The following MKLN1 variants were observed in gnomAD, a reference collection of about 807,000 sequenced individuals.
The protein encoded by MKLN1 is muskelin 1, also known as muskelin.
In MKLN1, 18 loss-of-function variants were observed where a neutral mutation model predicts 99.0. The ratio of observed to expected loss-of-function variants is 0.18; its 90% confidence interval spans 0.13 to 0.27. The LOEUF (loss-of-function observed/expected upper bound fraction) is 0.27. MKLN1 is among the 10% of genes least tolerant of loss of function. The pLI is 1.00. For synonymous variants in MKLN1, 288 were observed against 293.2 expected, an observed-to-expected ratio of 0.98 and a Z score of 0.18; for missense variants, 621 against 875.9, an observed-to-expected ratio of 0.71 and a Z score of 3.67.
At chr7:131,123,873 G>A (rs1261938815) in intron 1 of MKLN1, among the ~76,000 whole-genome samples, 1 of 152,104 alleles carries the variant, frequency 6.6e-6, no homozygotes, top group Non-Finnish European at 1.5e-5. Context: ...TTCATAAGTA[G>A]GTAGGTAGGT....
At chr7:131,159,109 G>A (rs572657521) in intron 2 of MKLN1, among the ~76,000 whole-genome samples, 4 of 152,194 alleles carry the variant, frequency 2.6e-5, no homozygotes, top group East Asian at 3.9e-4. Context: ...TGAGAGGATC[G>A]CCTGAGCCCG....
In MKLN1 at chr7:131,134,790, C is replaced by T. The variant is rs6969479; in HGVS notation, c.-418-8030C>T. Reference sequence around the variant, plus strand: ...GTAGTCTTCTAATTGGCTTTGCTGGCTCAGTCTTCATCCTGCCACTAAAGT... The same window carrying T: ...GTAGTCTTCTAATTGGCTTTGCTGGTTCAGTCTTCATCCTGCCACTAAAGT... On this transcript the variant is annotated intron_variant, in intron 1 of 7. Coordinates refer to the MKLN1 transcript ENST00000416992. 1.7e-3 allele frequency among the ~76,000 whole-genome samples: 255 copies of T among 152,280 alleles called. 1 individual carries two copies. Among genetic ancestry groups the T allele is most frequent in the African/African-American group, 6.0e-3 (248 of 41,550 alleles).
intron 2 of MKLN1, among the ~76,000 whole-genome samples, chr7:131,145,337 G>A (rs564916245): frequency 1.3e-5 from 2 of 152,272 alleles, no homozygotes; most frequent in South Asian, 2.1e-4. Context: ...CACACGGCAC[G>A]AAGATTTACA....
chr7:131,217,676 C>T lies in MKLN1; in HGVS notation c.-179+14702C>T, dbSNP rs189113981. 4.1e-4 allele frequency among the ~76,000 whole-genome samples: 62 copies of T among 152,212 alleles called. 1 individual carries two copies. The highest frequency in any genetic ancestry group is 6.8e-3 in the Middle Eastern group (2 of 294). On this transcript the variant is annotated intron_variant, in intron 3 of 7. Coordinates refer to the MKLN1 transcript ENST00000416992. ...TCGTGCCATGGCACTCCAGCCTGGG[C>T]GAAAGAGTGAAACTCTGTCTCAAAA...
intron 1 of MKLN1, among the ~76,000 whole-genome samples, chr7:131,364,972 G>A (rs189375038): frequency 5.3e-5 from 8 of 152,214 alleles, no homozygotes; most frequent in Admixed American, 4.6e-4. Context: ...ATTCCTCTGG[G>A]TACCTCCCCA....
chr7:131,455,266 C>T (rs1318491640), intron 12 of MKLN1, among the ~76,000 whole-genome samples: 1 of 152,054 alleles, frequency 6.6e-6, no homozygotes, highest in African/African-American at 2.4e-5. Context: ...TTTTATCCCC[C>T]CTCCCACAGG....
chr7:131,460,721 A>G lies in MKLN1; in HGVS notation c.1526-2496A>G, dbSNP rs546653304. ...GTAGGTGAAAACAGCCGTAGACAAC[A>G]TGTAAATGAATGGACATTGCCTGAT... On this transcript the variant is annotated intron_variant, in intron 12 of 17. Coordinates refer to ENST00000352689, the MANE Select transcript of MKLN1 (RefSeq NM_013255.5). Among the ~76,000 whole-genome samples, 6 of 152,342 alleles carry G rather than the reference A, an allele frequency of 3.9e-5. No individual in the cohort carries two copies. In the East Asian group the frequency reaches 9.6e-4, roughly 24 times the overall value.
intron 1 of MKLN1, among the ~76,000 whole-genome samples, chr7:131,347,161 A>G (rs1456154440): frequency 1.3e-5 from 2 of 152,232 alleles, no homozygotes; most frequent in Non-Finnish European, 1.5e-5. Context: ...ATAGGCCTAG[A>G]AAGAGATTAG....
intron 3 of MKLN1, among the ~76,000 whole-genome samples, chr7:131,388,666 A>C (rs1300572225): frequency 4.6e-5 from 7 of 152,226 alleles, no homozygotes. Context: ...ATTTTTCATT[A>C]ATCCTCGTAT....
intron 2 of MKLN1, among the ~76,000 whole-genome samples, chr7:131,195,189 G>A (rs753646668): frequency 3.9e-5 from 6 of 152,122 alleles, no homozygotes; most frequent in African/African-American, 1.4e-4. Flanking sequence ...AGGGGAAGAG[G>A]AGACGCGTTA....
chr7:131,388,016 G>A (rs1457107357), intron 3 of MKLN1, among the ~76,000 whole-genome samples: 1 of 151,994 alleles, frequency 6.6e-6, no homozygotes, highest in African/African-American at 2.4e-5. Flanking sequence ...AAAATGCAAA[G>A]ATTAGCTGGA....
At chr7:131,422,953 G>C (rs373008124) in intron 8 of MKLN1, among the ~76,000 whole-genome samples, 6 of 152,224 alleles carry the variant, frequency 3.9e-5, no homozygotes, top group Admixed American at 3.9e-4. Context: ...CCTATACCTG[G>C]CACCTCTCCA....
intron 3 of MKLN1, among the ~76,000 whole-genome samples, chr7:131,263,015 T>C (rs1202493351): frequency 6.6e-6 from 1 of 152,222 alleles, no homozygotes; most frequent in Non-Finnish European, 1.5e-5. Context: ...CTTGTACTTC[T>C]GTTCTCTGCG....
intron 3 of MKLN1, among the ~76,000 whole-genome samples, chr7:131,237,377 G>T (rs1797339813): frequency 6.6e-6 from 1 of 152,108 alleles, no homozygotes; most frequent in African/African-American, 2.4e-5. Context: ...AAAAAGATCT[G>T]AAAAATCACC....
chr7:131,370,113 C>T (rs1212560890), intron 1 of MKLN1, among the ~76,000 whole-genome samples: 1 of 152,242 alleles, frequency 6.6e-6, no homozygotes, highest in Non-Finnish European at 1.5e-5. Context: ...GTTGGGATTA[C>T]AGGCGTGAGC....
chr7:131,258,129 TA>T (rs538652283), intron 3 of MKLN1, among the ~76,000 whole-genome samples: 295 of 114,092 alleles, frequency 2.6e-3, no homozygotes, highest in South Asian at 0.01. Context: ...TCAAAAAAAT[TA>T]AAAAAAAAAA....
At chr7:131,234,124 C>G (rs1338709545) in intron 3 of MKLN1, among the ~76,000 whole-genome samples, 1 of 152,000 alleles carries the variant, frequency 6.6e-6, no homozygotes, top group Admixed American at 6.6e-5. Flanking sequence ...GGATTACAGG[C>G]ACCTGCCACC....
chr7:131,427,252 G>C (rs1795384105), intron 8 of MKLN1, among the ~76,000 whole-genome samples: 1 of 152,146 alleles, frequency 6.6e-6, no homozygotes, highest in African/African-American at 2.4e-5. Context: ...ATTATATGCA[G>C]ATATGACAGA....
At chr7:131,325,663 C>T (rs550164685), upstream of MKLN1, among the ~76,000 whole-genome samples, 1 of 151,652 alleles carries the variant, frequency 6.6e-6, no homozygotes, top group Non-Finnish European at 1.5e-5. Flanking sequence ...TGTGACTGCA[C>T]TCCATCCTGG....
Sources: gnomAD v4.1 joint callset for allele counts (sites outside exome capture counted in the v4.1 genomes callset) on GRCh38, gnomAD v4.1.1 for gene constraint, MANE v1.5 for transcripts, NCBI Gene and HGNC (gene_info 2026-07-23, HGNC 2026-07-21) for gene names.